Variants in CTCF observed in about 807,000 individuals in gnomAD.
CTCF encodes transcriptional repressor CTCF.
Under a neutral mutation model 72.3 loss-of-function variants are expected in CTCF, and 7 were observed. That is an observed-to-expected ratio of 0.10 (90% confidence interval 0.06 to 0.18). The LOEUF is 0.18. Among genes scored for constraint, CTCF ranks in the 10% least tolerant of loss-of-function variants. The probability of loss-of-function intolerance (pLI) is 1.00; values close to 1 mark genes in which losing one functional copy is unlikely to be tolerated. For missense variants in CTCF, 516 were observed against 949.1 expected, an observed-to-expected ratio of 0.54 and a Z score of 6.00; for synonymous variants, 374 against 315.8, an observed-to-expected ratio of 1.18 and a Z score of -1.95.
intron 2 of CTCF, among the ~76,000 whole-genome samples, chr16:67,581,234 T>A (rs2051577291): frequency 6.6e-6 from 1 of 152,024 alleles, no homozygotes; most frequent in Non-Finnish European, 1.5e-5. Flanking sequence ...GGCCCGGCCT[T>A]ACTTATTTTT....
At position 67,621,607 on chromosome 16, in the gene CTCF, AGT is replaced by A; in HGVS notation, c.1357+18_1357+19del. On this transcript the variant is annotated intron_variant, in intron 7 of 11. Coordinates refer to ENST00000264010, the MANE Select transcript of CTCF (RefSeq NM_006565.4). ...AGTGATTTGGGTAAGTAGATTAACTAGTGAGAAGTGAAAAAAATATTTTGAAG... is the reference window on the plus strand; with the variant it reads ...AGTGATTTGGGTAAGTAGATTAACTAGAGAAGTGAAAAAAATATTTTGAAG... 6.4e-7 allele frequency: 1 copy of A among 1,563,214 alleles called. No individual in the cohort carries two copies. The highest frequency in any genetic ancestry group is 8.8e-7 in the Non-Finnish European group (1 of 1,140,676).
chr16:67,621,589 TG>T lies in CTCF; in HGVS notation c.1357+1del. 1 of 1,597,574 alleles carries T rather than the reference TG, an allele frequency of 6.3e-7. No homozygotes were observed. The highest frequency in any genetic ancestry group is 8.6e-7 in the Non-Finnish European group (1 of 1,166,400). On this transcript the variant is annotated frameshift_variant and splice_region_variant, in exon 7 of 12. Coordinates refer to ENST00000264010, the MANE Select transcript of CTCF (RefSeq NM_006565.4). LOFTEE classifies it high-confidence loss of function. ...CDTVIARKSD[L>X]GVHLRKQHSY... Reference sequence around the variant, plus strand: ...ACAGTCATAGCCCGAAAAAGTGATTTGGGTAAGTAGATTAACTAGTGAGAAG... The same window carrying T: ...ACAGTCATAGCCCGAAAAAGTGATTTGGTAAGTAGATTAACTAGTGAGAAG...
chr16:67,626,998 C>T (rs1213014348), intron 8 of CTCF: 6 of 261,796 alleles, frequency 2.3e-5, no homozygotes, highest in Non-Finnish European at 3.6e-5. Context: ...GAATCTCATG[C>T]GGGGACATGA....
At chr16:67,620,839 C>T (rs1296695958) in intron 6 of CTCF, 22 bp downstream of exon 6, 11 of 1,554,014 alleles carry the variant, frequency 7.1e-6, no homozygotes, top group Non-Finnish European at 9.7e-6. Context: ...CCACTCCTTA[C>T]TGTATTAATG....
intron 1 of CTCF, among the ~76,000 whole-genome samples, chr16:67,569,607 G>A (rs554836549): frequency 4.0e-5 from 6 of 151,806 alleles, no homozygotes; most frequent in South Asian, 4.2e-4. Context: ...AAAGTATTCC[G>A]TTATTCGACT....
rs761908555 is a variant in CTCF at position 67,611,177 on chromosome 16, T to G, written c.345T>G (p.Leu115=). 1.2e-6 allele frequency: 2 copies of G among 1,614,190 alleles called. No homozygotes were observed. Among genetic ancestry groups the G allele is most frequent in the Non-Finnish European group, 1.7e-6 (2 of 1,180,032 alleles). Residue 115 remains leucine, a synonymous_variant, in exon 3 of 12, where the codon CTT becomes CTG. Transcript: ENST00000264010. ...CCATAAACATAGGAGAACTTCAGCT[T>G]GTTCAAGTACCTGTTCCTGTGACTG... The part of the protein sequence containing the change: ...EQPINIGELQ[L]VQVPVPVTVP...
At chr16:67,582,343 T>G (rs1333966014) in intron 2 of CTCF, among the ~76,000 whole-genome samples, 1 of 152,160 alleles carries the variant, frequency 6.6e-6, no homozygotes, top group Non-Finnish European at 1.5e-5. Context: ...TTGCCCTGAC[T>G]TTTTGCCTCT....
chr16:67,628,302 T>C, intron 8 of CTCF, 68 bp from the exon 9 acceptor site: 2 of 1,478,464 alleles, frequency 1.4e-6, no homozygotes, highest in Non-Finnish European at 1.9e-6. Flanking sequence ...GCCACATGCA[T>C]GCAGGTGGCA....
intron 11 of CTCF, among the ~76,000 whole-genome samples, chr16:67,637,061 G>A (rs1346188777): frequency 3.3e-5 from 5 of 152,190 alleles, no homozygotes; most frequent in African/African-American, 1.2e-4. Flanking sequence ...ATTTCAAGAA[G>A]AAGTCCAGAG....
At position 67,616,739 on chromosome 16, in the gene CTCF, C is replaced by G; in HGVS notation, c.953-6C>G. 1 of 1,614,064 alleles carries G rather than the reference C, an allele frequency of 6.2e-7. No homozygotes were observed. Among genetic ancestry groups the G allele is most frequent in the African/African-American group, 1.3e-5 (1 of 75,038 alleles). On this transcript the variant is annotated splice_region_variant and splice_polypyrimidine_tract_variant and intron_variant, in intron 4 of 11. Coordinates refer to ENST00000264010, the MANE Select transcript of CTCF (RefSeq NM_006565.4). ...TGCTCTTCCTGTTACTCCATCCTTT[C>G]TCTAGGTACTCGTCCTCACAAGTGC...
chr16:67,628,905 A>G (rs2052325877), intron 9 of CTCF, among the ~76,000 whole-genome samples: 1 of 152,140 alleles, frequency 6.6e-6, no homozygotes, highest in African/African-American at 2.4e-5. Flanking sequence ...CTAAAAATAC[A>G]AAAAATTAGC....
chr16:67,563,214 C>T (rs997798942), intron 1 of CTCF: 1 of 152,260 alleles, frequency 6.6e-6, no homozygotes. Context: ...AAGCCAGGTC[C>T]CGGTGCCGTA....
chr16:67,610,818 A>G lies in CTCF; in HGVS notation c.-9-6A>G. ...AAATAACAATCTGTGTTCTCCCTTA[A>G]TAAAGGCAGGGGAAATGGAAGGTGA... On this transcript the variant is annotated splice_region_variant and splice_polypyrimidine_tract_variant and intron_variant, in intron 2 of 11. Coordinates refer to ENST00000264010, the MANE Select transcript of CTCF (RefSeq NM_006565.4). 6.9e-7 allele frequency: 1 copy of G among 1,456,254 alleles called. No individual in the cohort carries two copies. The allele number at this position is 1,456,254 out of a possible 1,614,324, so 90.2% of individuals were successfully genotyped here. A position where few individuals can be genotyped will look rare whatever the true frequency, so the allele number is the denominator to read the frequency against.
chr16:67,578,080 T>C (rs897723665), intron 2 of CTCF, among the ~76,000 whole-genome samples: 1 of 152,158 alleles, frequency 6.6e-6, no homozygotes, highest in African/African-American at 2.4e-5. Flanking sequence ...AACAGGCATG[T>C]ACATATAATA....
In CTCF at chr16:67,637,951, C is replaced by CT; in HGVS notation, c.*86dup. 2.4e-6 allele frequency: 3 copies of CT among 1,272,192 alleles called. No homozygotes were observed. The highest frequency in any genetic ancestry group is 3.2e-6 in the Non-Finnish European group (3 of 950,440). 78.8% of individuals were successfully genotyped at this position (1,272,192 alleles called of 1,614,324 possible). On this transcript the variant is annotated 3_prime_UTR_variant, in exon 12 of 12. Coordinates refer to ENST00000264010, the MANE Select transcript of CTCF (RefSeq NM_006565.4). Reference sequence around the variant, plus strand: ...GCATCTTAATTTTTCTCCCTTCTTTCTTTTTTTGGCTTTGGGAAAAGCATC... The same window carrying CT: ...GCATCTTAATTTTTCTCCCTTCTTTCTTTTTTTTGGCTTTGGGAAAAGCATC...
At chr16:67,607,873 GC>G (rs1276418162) in intron 2 of CTCF, among the ~76,000 whole-genome samples, 3 of 151,330 alleles carry the variant, frequency 2.0e-5, no homozygotes, top group Non-Finnish European at 4.4e-5. Context: ...CAGAAAATTA[GC>G]CAGGTGTGGT....
chr16:67,567,825 C>G (rs374661611), intron 1 of CTCF: 8 of 149,190 alleles, frequency 5.4e-5, no homozygotes, highest in African/African-American at 1.7e-4. Context: ...CTCCTGGGCT[C>G]AAGCAAGTCT....
At chr16:67,609,621 ATTC>A (rs1360064343) in intron 2 of CTCF, among the ~76,000 whole-genome samples, 1 of 148,456 alleles carries the variant, frequency 6.7e-6, no homozygotes, top group African/African-American at 2.5e-5. Flanking sequence ...GGGCCTGATA[ATTC>A]TTTTTTTTTT....
At chr16:67,567,173 T>A (rs149663488) in intron 1 of CTCF, among the ~76,000 whole-genome samples, 66 of 152,308 alleles carry the variant, frequency 4.3e-4, no homozygotes, top group African/African-American at 1.5e-3. Context: ...CTTTCTGTAG[T>A]CTGTCTTCGT....
Sources: gnomAD v4.1 joint callset for allele counts (sites outside exome capture counted in the v4.1 genomes callset) on GRCh38, gnomAD v4.1.1 for gene constraint, MANE v1.5 for transcripts, NCBI Gene and HGNC (gene_info 2026-07-23, HGNC 2026-07-21) for gene names.